Variants in PRR16 observed in about 807,000 individuals in gnomAD.
PRR16 encodes proline rich 16, also known as protein Largen.
In PRR16, 6 loss-of-function variants were observed where a neutral mutation model predicts 18.2. That is an observed-to-expected ratio of 0.33 (90% CI 0.18 to 0.65). PRR16 has a LOEUF of 0.65. Among genes scored for constraint, PRR16 ranks in the 30% least tolerant of loss-of-function variants. The probability of loss-of-function intolerance (pLI) is 0.74; values close to 1 mark genes in which losing one functional copy is unlikely to be tolerated. For synonymous variants in PRR16, 151 were observed against 147.8 expected (o/e 1.02, Z -0.16); for missense variants, 412 against 376.6 (o/e 1.09, Z -0.78).
chr5:120,773,916 C>A, the PRR16 span, among the ~76,000 whole-genome samples: 3 of 152,162 alleles, frequency 2.0e-5, no homozygotes, highest in East Asian at 5.8e-4. Context: ...TATTAATAAG[C>A]ATCTCTATGT....
intron 1 of PRR16, among the ~76,000 whole-genome samples, chr5:120,517,240 ATTTAC>A (rs1326596771): frequency 2.0e-5 from 3 of 152,144 alleles, no homozygotes; most frequent in South Asian, 2.1e-4. Context: ...TTAATGTTTA[ATTTAC>A]TTTACTAGAG....
chr5:120,563,170 C>A (rs1481697952), intron 1 of PRR16, among the ~76,000 whole-genome samples: 1 of 152,080 alleles, frequency 6.6e-6, no homozygotes, highest in Non-Finnish European at 1.5e-5. Flanking sequence ...GTAAAGTTTT[C>A]TTTTCTTATG....
At chr5:120,473,085 A>G (rs147623051) in intron 1 of PRR16, among the ~76,000 whole-genome samples, 199 of 152,292 alleles carry the variant, frequency 1.3e-3, no homozygotes, top group Middle Eastern at 6.8e-3. Flanking sequence ...TAAAAGATGC[A>G]TATATGAATA....
intron 1 of PRR16, among the ~76,000 whole-genome samples, chr5:120,673,377 G>A (rs1169811686): frequency 1.3e-5 from 2 of 152,188 alleles, no homozygotes; most frequent in Non-Finnish European, 2.9e-5. Context: ...ATGACAAAAT[G>A]AATTAAATGA....
chr5:120,468,984 A>G (rs986130045), intron 1 of PRR16, among the ~76,000 whole-genome samples: 1 of 152,226 alleles, frequency 6.6e-6, no homozygotes, highest in Non-Finnish European at 1.5e-5. Context: ...AGAATCACTC[A>G]GTGACTGGAT....
At chr5:120,783,925 T>C in the PRR16 span, among the ~76,000 whole-genome samples, 1 of 152,140 alleles carries the variant, frequency 6.6e-6, no homozygotes, top group Non-Finnish European at 1.5e-5. Flanking sequence ...CTTCATAAGA[T>C]AATTTTTTAA....
chr5:120,558,985 G>A (rs980697234), intron 1 of PRR16, among the ~76,000 whole-genome samples: 1 of 151,728 alleles, frequency 6.6e-6, no homozygotes, highest in Non-Finnish European at 1.5e-5. Flanking sequence ...ATTTTAATTG[G>A]ATTATTATTA....
intron 1 of PRR16, among the ~76,000 whole-genome samples, chr5:120,536,458 C>T (rs576157364): frequency 4.2e-4 from 64 of 152,118 alleles, no homozygotes; most frequent in Non-Finnish European, 6.8e-4. Context: ...AAATATTTGA[C>T]ACTATCTAGT....
the PRR16 span, among the ~76,000 whole-genome samples, chr5:120,725,148 T>G: frequency 1.3e-5 from 2 of 152,036 alleles, no homozygotes; most frequent in Non-Finnish European, 2.9e-5. Flanking sequence ...GAGAGCCAAC[T>G]GGGCCTTTTG....
the PRR16 span, among the ~76,000 whole-genome samples, chr5:120,773,156 T>C: frequency 1.3e-5 from 2 of 152,136 alleles, no homozygotes; most frequent in Non-Finnish European, 2.9e-5. Context: ...GTTAAGACTC[T>C]TACCCAGTGT....
chr5:120,506,718 A>T (rs1235678900), intron 1 of PRR16, among the ~76,000 whole-genome samples: 2 of 151,976 alleles, frequency 1.3e-5, no homozygotes, highest in African/African-American at 4.8e-5. Context: ...TATTCTAGAC[A>T]TGTTGTATGA....
At chr5:120,589,425 ATG>A (rs1284496524) in intron 1 of PRR16, among the ~76,000 whole-genome samples, 3 of 152,122 alleles carry the variant, frequency 2.0e-5, no homozygotes, top group South Asian at 4.1e-4. Flanking sequence ...AGGTATAGGG[ATG>A]TCCAACTTAG....
intron 1 of PRR16, chr5:120,617,157 A>G (rs1754539131): frequency 1.0e-6 from 1 of 985,324 alleles, no homozygotes; most frequent in Admixed American, 6.2e-5. Flanking sequence ...CTGCAGGCAT[A>G]CAGTGACAAC....
At chr5:120,684,732 A>G (rs1757068284) in intron 1 of PRR16, among the ~76,000 whole-genome samples, 1 of 152,200 alleles carries the variant, frequency 6.6e-6, no homozygotes, top group South Asian at 2.1e-4. Flanking sequence ...ATGACTGAAC[A>G]GGGCAGAGAC....
chr5:120,538,654 GCTTTT>G (rs1458411259), intron 1 of PRR16, among the ~76,000 whole-genome samples: 1 of 152,222 alleles, frequency 6.6e-6, no homozygotes, highest in Non-Finnish European at 1.5e-5. Flanking sequence ...TCTATAGGGT[GCTTTT>G]ATAAACTGAA....
intron 1 of PRR16, among the ~76,000 whole-genome samples, chr5:120,684,345 A>G (rs988089548): frequency 1.3e-5 from 2 of 152,164 alleles, no homozygotes; most frequent in African/African-American, 2.4e-5. Flanking sequence ...CCTCATGAGG[A>G]GGAAGTAAAG....
At chr5:120,720,527 G>A in the PRR16 span, among the ~76,000 whole-genome samples, 2 of 151,926 alleles carry the variant, frequency 1.3e-5, no homozygotes, top group South Asian at 4.1e-4. Flanking sequence ...TCACATAACT[G>A]GTCTCAATAT....
At chr5:120,777,105 G>A in the PRR16 span, among the ~76,000 whole-genome samples, 1 of 151,974 alleles carries the variant, frequency 6.6e-6, no homozygotes, top group Non-Finnish European at 1.5e-5. Flanking sequence ...GAACCTCTAT[G>A]AGAAATTAGT....
At position 120,528,803 on chromosome 5, in the gene PRR16, G is replaced by A. The variant is rs534314656; in HGVS notation, c.159+64158G>A. 4.9e-4 allele frequency among the ~76,000 whole-genome samples: 74 copies of A among 152,248 alleles called. 1 individual carries two copies. The highest frequency in any genetic ancestry group is 1.2e-3 in the South Asian group (6 of 4,816). ...GGTTGACAGTCCCTAACACCCACAC[G>A]CTGAATGGGGATGGACATACTGATG... On this transcript the variant is annotated intron_variant, in intron 1 of 1. Coordinates refer to ENST00000407149, the MANE Select transcript of PRR16 (RefSeq NM_001300783.2).
Sources: allele counts gnomAD v4.1 joint callset (sites outside exome capture counted in the v4.1 genomes callset), GRCh38; gene constraint gnomAD v4.1.1; transcripts MANE v1.5; gene names NCBI Gene and HGNC (gene_info 2026-07-23, HGNC 2026-07-21).